The following ARHGAP24 variants were observed in gnomAD, a reference collection of about 807,000 sequenced individuals.
ARHGAP24 encodes rho GTPase-activating protein 24.
A neutral mutation model predicts 76.4 loss-of-function variants in ARHGAP24; 50 were observed. The observed-to-expected ratio is 0.65, with a 90% CI of 0.52 to 0.83. The LOEUF (loss-of-function observed/expected upper bound fraction) is 0.83, where lower values mean the gene tolerates loss of function less well. Among genes scored for constraint, ARHGAP24 ranks in the 40% least tolerant of loss-of-function variants. ARHGAP24 has a pLI of 0.00. For missense variants in ARHGAP24, 930 were observed against 914.2 expected (o/e 1.02, Z -0.22); for synonymous variants, 345 against 323.3 (o/e 1.07, Z -0.72).
intron 3 of ARHGAP24, among the ~76,000 whole-genome samples, chr4:85,912,459 A>G (rs1296806654): frequency 6.6e-6 from 1 of 152,230 alleles, no homozygotes; most frequent in Non-Finnish European, 1.5e-5. Flanking sequence ...TAAGATAAAA[A>G]AAATTTAAAC....
At chr4:85,547,268 T>G (rs963790344) in intron 1 of ARHGAP24, among the ~76,000 whole-genome samples, 3 of 152,186 alleles carry the variant, frequency 2.0e-5, no homozygotes, top group African/African-American at 7.2e-5. Flanking sequence ...CTTGAGAGTT[T>G]TGAAAACACG....
At chr4:85,756,783 C>G (rs1726512403) in intron 3 of ARHGAP24, among the ~76,000 whole-genome samples, 1 of 152,118 alleles carries the variant, frequency 6.6e-6, no homozygotes, top group East Asian at 1.9e-4. Context: ...TTTGCTGACC[C>G]CTGGGGCTCA....
intron 2 of ARHGAP24, among the ~76,000 whole-genome samples, chr4:85,704,309 T>C (rs150565870): frequency 2.0e-5 from 3 of 152,304 alleles, no homozygotes; most frequent in African/African-American, 7.2e-5. Flanking sequence ...GCTTCCAGCC[T>C]TTTAGTCAAA....
At chr4:85,513,425 A>G (rs1724360903) in intron 1 of ARHGAP24, among the ~76,000 whole-genome samples, 1 of 152,128 alleles carries the variant, frequency 6.6e-6, no homozygotes, top group Admixed American at 6.5e-5. Flanking sequence ...CCATTACCTG[A>G]TTGTTAACCA....
chr4:85,564,301 A>AG (rs1017857160), intron 1 of ARHGAP24, among the ~76,000 whole-genome samples: 1 of 151,954 alleles, frequency 6.6e-6, no homozygotes, highest in Non-Finnish European at 1.5e-5. Context: ...GACAAAAAAA[A>AG]CAAGCACTGT....
intron 3 of ARHGAP24, among the ~76,000 whole-genome samples, chr4:85,818,961 TG>T (rs1729359553): frequency 6.6e-6 from 1 of 152,186 alleles, no homozygotes; most frequent in Non-Finnish European, 1.5e-5. Context: ...GCCGTTATAT[TG>T]CTTTGTTTTG....
chr4:85,802,787 G>A (rs1416372667), intron 3 of ARHGAP24, among the ~76,000 whole-genome samples: 12 of 152,138 alleles, frequency 7.9e-5, no homozygotes, highest in Non-Finnish European at 1.2e-4. Flanking sequence ...GCAAAACTCC[G>A]TCTCAAAAAC....
At chr4:85,930,634 G>T (rs1006419012) in intron 4 of ARHGAP24, 3 of 1,100,612 alleles carry the variant, frequency 2.7e-6, no homozygotes, top group Non-Finnish European at 2.2e-6. Context: ...GCTTGCTGCA[G>T]TTCTTTTCCT....
intron 2 of ARHGAP24, among the ~76,000 whole-genome samples, chr4:85,684,088 T>C (rs1723332872): frequency 6.6e-6 from 1 of 152,212 alleles, no homozygotes; most frequent in Non-Finnish European, 1.5e-5. Flanking sequence ...TTCAAGATTC[T>C]ACTTTCAATT....
intron 3 of ARHGAP24, among the ~76,000 whole-genome samples, chr4:85,778,226 C>T (rs1727379313): frequency 6.6e-6 from 1 of 152,096 alleles, no homozygotes; most frequent in Non-Finnish European, 1.5e-5. Context: ...AGATTATTTC[C>T]TAATATACAA....
chr4:85,572,972 G>A (rs973589210), intron 2 of ARHGAP24, among the ~76,000 whole-genome samples: 3 of 150,442 alleles, frequency 2.0e-5, no homozygotes, highest in Non-Finnish European at 4.4e-5. Context: ...TGCCTCCTGG[G>A]TTCAAGCGAT....
At chr4:85,763,396 TTGC>T (rs1187369852) in intron 3 of ARHGAP24, among the ~76,000 whole-genome samples, 2 of 152,112 alleles carry the variant, frequency 1.3e-5, no homozygotes, top group African/African-American at 4.8e-5. Flanking sequence ...GTTTGGCATC[TTGC>T]AGGGAAGCCA....
intron 7 of ARHGAP24, 143 bp from the exon 8 acceptor site, chr4:85,977,427 G>C (rs2148856392): frequency 1.1e-6 from 1 of 916,152 alleles, no homozygotes; most frequent in Non-Finnish European, 1.7e-6. Flanking sequence ...GTTTGAGTGA[G>C]AGATGGGTGA....
At chr4:85,490,151 G>A (rs1377185607) in intron 1 of ARHGAP24, among the ~76,000 whole-genome samples, 1 of 152,152 alleles carries the variant, frequency 6.6e-6, no homozygotes, top group Admixed American at 6.5e-5. Flanking sequence ...TATATGTCAT[G>A]TTAAGGTAGA....
intron 3 of ARHGAP24, among the ~76,000 whole-genome samples, chr4:85,910,801 A>G (rs2148799154): frequency 6.6e-6 from 1 of 152,118 alleles, no homozygotes; most frequent in African/African-American, 2.4e-5. Context: ...GCAGCCCAGA[A>G]AAGGCTTCAC....
chr4:85,475,593 C>T (rs965818643), intron 1 of ARHGAP24, 34 bp downstream of exon 1: 1 of 150,566 alleles, frequency 6.6e-6, no homozygotes, highest in African/African-American at 2.5e-5. Context: ...GTGCGCGGAG[C>T]TACCGCGGGA....
intron 1 of ARHGAP24, among the ~76,000 whole-genome samples, chr4:85,518,338 TTTG>T (rs534440916): frequency 3.6e-4 from 53 of 149,088 alleles, no homozygotes; most frequent in Middle Eastern, 3.4e-3. Context: ...ATAAAAATTA[TTTG>T]TTATTTCTTT....
At chr4:85,530,720 A>T (rs1725223322) in intron 1 of ARHGAP24, among the ~76,000 whole-genome samples, 1 of 152,098 alleles carries the variant, frequency 6.6e-6, no homozygotes, top group Non-Finnish European at 1.5e-5. Flanking sequence ...GCAAGAGCAG[A>T]GCCAGGAATC....
At chr4:85,883,142 A>G (rs964780870) in intron 3 of ARHGAP24, among the ~76,000 whole-genome samples, 3 of 152,186 alleles carry the variant, frequency 2.0e-5, no homozygotes, top group Admixed American at 2.0e-4. Context: ...TTCCAAGGTT[A>G]CCAGCAAGTA....
Sources: allele counts gnomAD v4.1 joint callset (sites outside exome capture counted in the v4.1 genomes callset), GRCh38; gene constraint gnomAD v4.1.1; transcripts MANE v1.5; gene names NCBI Gene and HGNC (gene_info 2026-07-23, HGNC 2026-07-21).